The following CELSR2 variants were observed in gnomAD, a reference collection of about 807,000 sequenced individuals.
CELSR2 encodes the protein EGF-like protein 2.
In CELSR2, 81 loss-of-function variants were observed where a neutral mutation model predicts 251.6. The observed-to-expected ratio is 0.32, with a 90% CI of 0.27 to 0.39. CELSR2 has a LOEUF of 0.39. CELSR2 is among the 10% of genes least tolerant of loss of function. The pLI, the probability that CELSR2 is intolerant of heterozygous loss-of-function variation, is 1.00. For synonymous variants in CELSR2, 1,721 were observed against 1,670.5 expected (o/e 1.03, Z -0.74); for missense variants, 3,365 against 3,947.7 (o/e 0.85, Z 3.96).
rs775737236 is a variant in CELSR2, at chr1:109,259,108, A to AG, written c.3958+30dup. On this transcript the variant is annotated intron_variant, in intron 2 of 33. Coordinates refer to ENST00000271332, the MANE Select transcript of CELSR2 (RefSeq NM_001408.3). Reference sequence around the variant, plus strand: ...AGCCAAGGGAGGGGACTCATGGGCCAGCCCTGGAAGGCTGACTGTGTGGTG... The same window carrying AG: ...AGCCAAGGGAGGGGACTCATGGGCCAGGCCCTGGAAGGCTGACTGTGTGGTG... 5 of 1,523,088 alleles carry AG rather than the reference A, an allele frequency of 3.3e-6. No homozygotes were observed. The South Asian group carries it at 6.3e-5, about 19-fold the overall frequency. 94.3% of individuals were successfully genotyped at this position (1,523,088 alleles called of 1,614,324 possible).
In CELSR2 at chr1:109,251,199, C is replaced by T. The variant is rs201416867; in HGVS notation, c.1120C>T (p.Arg374Trp). ...GACGGTAGAGGCAAGTGACCAGGGT[C>T]GGGACCCGGGTCCTCGGAGTACCAC... ...QLTVEASDQG[R>W]DPGPRSTTAA... The change falls in exon 1 of 34, where the codon CGG becomes TGG. Residue 374 changes from arginine to tryptophan, a missense_variant. This residue lies in a region of CELSR2 where 704 missense variants were observed against 784.1 expected (regional missense o/e 0.90). Transcript: ENST00000271332. The surrounding 1 kb of genome is among the most constrained non-coding windows in gnomAD (Gnocchi z 4.9). The T allele has an allele frequency of 1.1e-5, 18 of 1,613,684 alleles. No homozygotes were observed. The highest frequency in any genetic ancestry group is 3.3e-5 in the Admixed American group (2 of 60,016).
At position 109,265,752 on chromosome 1, in the gene CELSR2, C is replaced by G; in HGVS notation, c.5745C>G (p.Pro1915=). The change falls in exon 14 of 34, where the codon CCC becomes CCG. Residue 1915 remains proline (P), a synonymous_variant. Transcript: ENST00000271332. ...ECHCKENHYR[P]PGSPTCLLCD... ...TTTCTCAGGAGAACCACTACCGGCC[C>G]CCAGGCAGCCCCACCTGCCTCTTGT... 6.2e-7 allele frequency: 1 copy of G among 1,611,964 alleles called. No individual in the cohort carries two copies. The highest frequency in any genetic ancestry group is 1.3e-5 in the African/African-American group (1 of 74,988).
chr1:109,258,015 G>A (rs562937339), intron 1 of CELSR2, among the ~76,000 whole-genome samples: 1 of 152,294 alleles, frequency 6.6e-6, no homozygotes, highest in South Asian at 2.1e-4. Context: ...ACACAGCCAT[G>A]GTTGCGATTA....
chr1:109,262,272 C>A lies in CELSR2; in HGVS notation c.4387-15C>A. ...GTACTCAGTGTCCCCCTTCTCTGCT[C>A]TTTCCTGTCCACAGCCACTGTTGGG... On this transcript the variant is annotated splice_polypyrimidine_tract_variant and intron_variant, in intron 5 of 33. Coordinates refer to ENST00000271332, the MANE Select transcript of CELSR2 (RefSeq NM_001408.3). 1.2e-6 allele frequency: 2 copies of A among 1,612,784 alleles called. No individual in the cohort carries two copies. Among genetic ancestry groups the A allele is most frequent in the South Asian group, 1.1e-5 (1 of 91,038 alleles).
intron 2 of CELSR2, among the ~76,000 whole-genome samples, 161 bp from the exon 3 acceptor site, chr1:109,260,881 A>G (rs1402844673): frequency 2.6e-5 from 4 of 152,128 alleles, no homozygotes; most frequent in Non-Finnish European, 5.9e-5. Flanking sequence ...CATAGGTCTC[A>G]GAGAAGATGG....
intron 6 of CELSR2, 88 bp from the exon 7 acceptor site, chr1:109,262,718 G>A (rs1656052853): frequency 1.5e-5 from 23 of 1,563,010 alleles, no homozygotes; most frequent in Admixed American, 1.7e-5. Context: ...TGCCTACGCC[G>A]TTCGTGTCTC....
chr1:109,253,411 G>C (rs201576033), intron 1 of CELSR2, 22 bp downstream of exon 1: 1 of 1,603,194 alleles, frequency 6.2e-7, no homozygotes, highest in African/African-American at 1.3e-5. Flanking sequence ...CCCAGGTGGC[G>C]CTGGGGTGGG....
chr1:109,258,775 C>T lies in CELSR2; in HGVS notation c.3654C>T (p.Ala1218=). 1.2e-6 allele frequency: 2 copies of T among 1,602,210 alleles called. No individual in the cohort carries two copies. The highest frequency in any genetic ancestry group is 1.7e-6 in the Non-Finnish European group (2 of 1,174,668). Residue 1218 remains alanine, a synonymous_variant, in exon 2 of 34, where the codon GCC becomes GCT. Transcript: ENST00000271332. ...RLYLNRSLLT[A]ISAQRVLPFD... The stretch of plus-strand genomic sequence containing the variant: ...ACCTCAACCGCAGCCTGCTGACGGC[C>T]ATCTCGGCACAGCGCGTGCTGCCCT...
Position 109,250,531 on chromosome 1 carries a change from C to G in CELSR2, c.452C>G (p.Ala151Gly). ...PRLRCQSCKL[A>G]QAPGLRAGER... ...CTCAGATGCCAGTCCTGCAAGCTGG[C>G]ACAGGCCCCCGGGCTCAGGGCAGGG... The change falls in exon 1 of 34, where the codon GCA becomes GGA. Residue 151 changes from alanine to glycine, a missense_variant. Around this residue, in one of 5 missense-constraint regions of CELSR2, gnomAD observed 704 missense variants for 784.1 expected, o/e 0.90. Coordinates refer to ENST00000271332, the MANE Select transcript of CELSR2 (RefSeq NM_001408.3). The surrounding 1 kb of genome is among the most constrained non-coding windows in gnomAD (Gnocchi z 4.4). The G allele has an allele frequency of 6.2e-7, 1 of 1,613,808 alleles. No homozygotes were observed. Among genetic ancestry groups the G allele is most frequent in the Non-Finnish European group, 8.5e-7 (1 of 1,179,996 alleles).
chr1:109,262,673 T>C, intron 6 of CELSR2, 133 bp from the exon 7 acceptor site: 1 of 1,446,858 alleles, frequency 6.9e-7, no homozygotes, highest in Non-Finnish European at 9.3e-7. Flanking sequence ...GTGACGCCCT[T>C]CCTGAGCACT....
At position 109,264,330 on chromosome 1, in the gene CELSR2, G is replaced by A. The variant is rs1050401849; in HGVS notation, c.5254G>A (p.Gly1752Ser). 3.7e-6 allele frequency: 6 copies of A among 1,611,680 alleles called. No homozygotes were observed. Among genetic ancestry groups the A allele is most frequent in the African/African-American group, 1.3e-5 (1 of 74,890 alleles). Residue 1752 changes from glycine to serine, a missense_variant, in exon 10 of 34, where the codon GGC (glycine) becomes AGC (serine). Gly to Ser is a moderately conservative substitution (Grantham distance 56, BLOSUM62 0). Coordinates refer to ENST00000271332, the MANE Select transcript of CELSR2 (RefSeq NM_001408.3). ...AGTGGGCGGAATACCTGGGCCAGCC[G>A]GCGGTGTGGCCCGTGGCTTTCGGGG... ...ITVGGIPGPA[G>S]GVARGFRGCL...
rs1235803882 is a variant in CELSR2 at position 109,273,314 on chromosome 1, C to T, written c.8487C>T (p.Gly2829=). Residue 2829 remains glycine, a synonymous_variant, in exon 32 of 34, where the codon GGC becomes GGT. Transcript: ENST00000271332. ...SREGSLGPLP[G]SSAQPHKGIL... ...AGGGGTCCCTAGGCCCCCTTCCAGG[C>T]TCTTCTGCCCAGCCTCACAAAGGTG... 4 of 1,596,500 alleles carry T rather than the reference C, an allele frequency of 2.5e-6. No homozygotes were observed. The African/African-American group carries it at 5.4e-5, about 21-fold the overall frequency.
intron 9 of CELSR2, 57 bp from the exon 10 acceptor site, chr1:109,264,021 T>C (rs2101259588): frequency 2.0e-6 from 3 of 1,518,974 alleles, no homozygotes; most frequent in Non-Finnish European, 1.8e-6. Context: ...AACTGTGAGC[T>C]GGAGAACAGT....
rs368138606 is a variant in CELSR2 at position 109,264,911 on chromosome 1, G to A, written c.5508G>A (p.Pro1836=). ...DNCTNVCDLN[P]CEHQSVCTRK... Reference sequence around the variant, plus strand: ...GTACTAATGTGTGTGACCTGAACCCGTGTGAGCACCAGTCTGTGTGTACCC... The same window carrying A: ...GTACTAATGTGTGTGACCTGAACCCATGTGAGCACCAGTCTGTGTGTACCC... Residue 1836 remains proline, a synonymous_variant, in exon 12 of 34, where the codon CCG becomes CCA. Transcript: ENST00000271332. The A allele has an allele frequency of 8.6e-5, 139 of 1,614,070 alleles. No homozygotes were observed. Among genetic ancestry groups the A allele is most frequent in the Middle Eastern group, 4.9e-4 (3 of 6,084 alleles).
intron 16 of CELSR2, 100 bp downstream of exon 16, chr1:109,267,742 C>T: frequency 6.4e-7 from 1 of 1,551,390 alleles, no homozygotes; most frequent in Non-Finnish European, 8.8e-7. Context: ...GGAATTCCAG[C>T]CTGTGTGTTC....
intron 15 of CELSR2, 63 bp downstream of exon 15, chr1:109,266,269 G>A (rs1656184581): frequency 6.4e-7 from 1 of 1,569,086 alleles, no homozygotes; most frequent in Admixed American, 1.8e-5. Flanking sequence ...TGGGATGAGG[G>A]CAGGAAGCTC....
At chr1:109,273,978 CCT>C (rs1557738824) in intron 33 of CELSR2, 42 bp from the exon 34 acceptor site, 1 of 1,610,240 alleles carries the variant, frequency 6.2e-7, no homozygotes, top group Admixed American at 1.7e-5. Context: ...TTCAACTAAC[CCT>C]CTGTCTGCCT....
Position 109,274,012 on chromosome 1 carries a change from G to T in CELSR2, c.8745-10G>T. On this transcript the variant is annotated splice_polypyrimidine_tract_variant and intron_variant, in intron 33 of 33. Transcript: ENST00000271332. ...GCCTTTTCTGCCACTTTCCTTTCCT[G>T]CCTCTCCAGATTTCTCTTCTTTAAC... 1 of 1,614,022 alleles carries T rather than the reference G, an allele frequency of 6.2e-7. No individual in the cohort carries two copies. The highest frequency in any genetic ancestry group is 8.5e-7 in the Non-Finnish European group (1 of 1,179,944).
Position 109,251,738 on chromosome 1 carries a change from C to T in CELSR2, c.1659C>T (p.Phe553=), listed in dbSNP as rs1655697195. Residue 553 remains phenylalanine, a synonymous_variant, in exon 1 of 34, where the codon TTC becomes TTT. Coordinates refer to ENST00000271332, the MANE Select transcript of CELSR2 (RefSeq NM_001408.3). This position sits in a 1 kb window ranked among gnomAD's most constrained non-coding sequence, Gnocchi z 4.9. ...CTGGGGTGGGACATGACTTCCCCTT[C>T]ACCATCAACAATGGCACAGGCTGGA... ...RLAGVGHDFP[F]TINNGTGWIS... 2 of 1,614,142 alleles carry T rather than the reference C, an allele frequency of 1.2e-6. No individual in the cohort carries two copies. The highest frequency in any genetic ancestry group is 1.7e-6 in the Non-Finnish European group (2 of 1,180,032).
Sources: allele counts gnomAD v4.1 joint callset (sites outside exome capture counted in the v4.1 genomes callset), GRCh38; gene constraint gnomAD v4.1.1; regional missense constraint gnomAD v4.1.1; non-coding constraint Gnocchi (gnomAD v3.1); transcripts MANE v1.5; gene names NCBI Gene and HGNC (gene_info 2026-07-23, HGNC 2026-07-21).